The following KCNJ15 variants were observed in gnomAD, a reference collection of about 807,000 sequenced individuals.
The protein encoded by KCNJ15 is potassium inwardly rectifying channel subfamily J member 15, also known as ATP-sensitive inward rectifier potassium channel 15.
A neutral mutation model predicts 23.0 loss-of-function variants in KCNJ15; 14 were observed. The observed-to-expected ratio is 0.61, with a 90% CI of 0.40 to 0.95. The LOEUF (loss-of-function observed/expected upper bound fraction) is 0.95. KCNJ15 is among the 40% of genes least tolerant of loss of function. The pLI is 0.00. For synonymous variants in KCNJ15, 185 were observed against 183.2 expected, an observed-to-expected ratio of 1.01 and a Z score of -0.08; for missense variants, 388 against 461.8, an observed-to-expected ratio of 0.84 and a Z score of 1.46.
At chr21:38,236,314 C>T (rs148806007) in intron 1 of KCNJ15, among the ~76,000 whole-genome samples, 2 of 152,308 alleles carry the variant, frequency 1.3e-5, no homozygotes, top group African/African-American at 4.8e-5. Context: ...AAGCTTTGGA[C>T]AAATGAAATC....
intron 1 of KCNJ15, chr21:38,267,377 G>C (rs746634523): frequency 2.0e-5 from 3 of 152,202 alleles, no homozygotes; most frequent in Non-Finnish European, 2.9e-5. Context: ...ACTCTGAATA[G>C]GCAGTAGGGT....
intron 1 of KCNJ15, among the ~76,000 whole-genome samples, chr21:38,272,820 A>G (rs1307082485): frequency 6.6e-6 from 1 of 152,188 alleles, no homozygotes; most frequent in Non-Finnish European, 1.5e-5. Flanking sequence ...GCAAATAAAA[A>G]TATATTAACC....
chr21:38,302,275 A>G lies in KCNJ15; in HGVS notation c.*1886A>G, dbSNP rs1189763012. ...CAGGTTATCAGTGAAATGATGGTATAGATTACAGCAAATCTGGATATATAT... is the reference window on the plus strand; with the variant it reads ...CAGGTTATCAGTGAAATGATGGTATGGATTACAGCAAATCTGGATATATAT... On this transcript the variant is annotated 3_prime_UTR_variant, in exon 3 of 3. Transcript: ENST00000398938. The G allele has an allele frequency of 6.6e-6, 1 of 152,252 alleles. No homozygotes were observed. 9.4% of individuals were successfully genotyped at this position (152,252 alleles called of 1,614,324 possible).
chr21:38,257,741 A>G (rs567541247), intron 1 of KCNJ15, among the ~76,000 whole-genome samples: 43 of 152,372 alleles, frequency 2.8e-4, no homozygotes, highest in Middle Eastern at 3.4e-3. Flanking sequence ...AACTTTGTTC[A>G]TGACCCATGA....
rs1220839043 is a variant in KCNJ15, at chr21:38,284,155, C to T, written c.-116-12771C>T. 2.6e-5 allele frequency among the ~76,000 whole-genome samples: 4 copies of T among 152,222 alleles called. No individual in the cohort carries two copies. In the South Asian group the frequency reaches 8.3e-4, roughly 31 times the overall value. ...CCTCCAGTGCACACCTTCAAACCTGCACCCCAGAGGTGAGATCCTCCTTCT... is the reference window on the plus strand; with the variant it reads ...CCTCCAGTGCACACCTTCAAACCTGTACCCCAGAGGTGAGATCCTCCTTCT... On this transcript the variant is annotated intron_variant, in intron 1 of 2. Transcript: ENST00000398938.
intron 1 of KCNJ15, among the ~76,000 whole-genome samples, chr21:38,283,157 AATGATTTC>A (rs1419800459): frequency 1.3e-5 from 2 of 151,878 alleles, no homozygotes; most frequent in African/African-American, 4.9e-5. Flanking sequence ...TCTGAGAGTA[AATGATTTC>A]ATAATGTTTG....
chr21:38,306,507 AG>A lies in KCNJ15; in HGVS notation c.*6121del, dbSNP rs1569028294. 1 of 152,208 alleles carries A rather than the reference AG, an allele frequency of 6.6e-6. No homozygotes were observed. The highest frequency in any genetic ancestry group is 1.5e-5 in the Non-Finnish European group (1 of 68,020). 9.4% of individuals were successfully genotyped at this position (152,208 alleles called of 1,614,324 possible). A position where few individuals can be genotyped will look rare whatever the true frequency, so the allele number is the denominator to read the frequency against. ...AGAAGGTGATTGGAGGGAAGTTCAA[AG>A]GGAAGATTTTTTTCATTCACTGTAG... On this transcript the variant is annotated 3_prime_UTR_variant, in exon 3 of 3. Transcript: ENST00000398938.
intron 1 of KCNJ15, among the ~76,000 whole-genome samples, chr21:38,242,834 G>A (rs1979103584): frequency 6.6e-6 from 1 of 152,210 alleles, no homozygotes; most frequent in African/African-American, 2.4e-5. Context: ...TTAAGGGAAA[G>A]AGACAGTAAG....
rs1198737227 is a variant in KCNJ15 at position 38,301,683 on chromosome 21, A to C, written c.*1294A>C. 1 of 167,096 alleles carries C rather than the reference A, an allele frequency of 6.0e-6. No homozygotes were observed. Among genetic ancestry groups the C allele is most frequent in the African/African-American group, 2.4e-5 (1 of 41,456 alleles). 10.4% of individuals were successfully genotyped at this position (167,096 alleles called of 1,614,324 possible). A position where few individuals can be genotyped will look rare whatever the true frequency, so the allele number is the denominator to read the frequency against. On this transcript the variant is annotated 3_prime_UTR_variant, in exon 3 of 3. Coordinates refer to ENST00000398938, the MANE Select transcript of KCNJ15 (RefSeq NM_170736.3). ...TGCATGAACAAGATTTGAAAATCTC[A>C]AGCCTGTAAAGAATACCCCTGCTAT...
chr21:38,278,457 C>T (rs746645294), intron 1 of KCNJ15, among the ~76,000 whole-genome samples: 2 of 152,124 alleles, frequency 1.3e-5, no homozygotes, highest in East Asian at 1.9e-4. Context: ...CATGAGCTGC[C>T]GACACAGTAC....
chr21:38,300,074 C>T lies in KCNJ15; in HGVS notation c.813C>T (p.Asn271=). The stretch of plus-strand genomic sequence containing the variant: ...CCCTGAGAGACCTCACACCCCAAAA[C>T]CTAAAGGAGAAGGAGTTTGAGCTTG... ...TSPLRDLTPQ[N]LKEKEFELVV... Residue 271 remains asparagine (N), a synonymous_variant, in exon 3 of 3, where the codon AAC becomes AAT. Coordinates refer to ENST00000398938, the MANE Select transcript of KCNJ15 (RefSeq NM_170736.3). 1.9e-6 allele frequency: 3 copies of T among 1,614,112 alleles called. No homozygotes were observed. The highest frequency in any genetic ancestry group is 2.2e-5 in the East Asian group (1 of 44,876).
chr21:38,244,393 A>G (rs2836238), intron 1 of KCNJ15, among the ~76,000 whole-genome samples: 94,563 of 152,062 alleles, frequency 0.62, 32,163 homozygotes, highest in African/African-American at 0.89. Context: ...AGGGACCACG[A>G]CACATCCCAG....
intron 1 of KCNJ15, among the ~76,000 whole-genome samples, chr21:38,266,462 A>G (rs1291400192): frequency 6.6e-6 from 1 of 152,232 alleles, no homozygotes; most frequent in Non-Finnish European, 1.5e-5. Flanking sequence ...TGCAAAGGAC[A>G]TGAACTTATT....
At position 38,238,469 on chromosome 21, in the gene KCNJ15, A is replaced by G. The variant is rs552654413; in HGVS notation, c.-398-18577A>G. 1,150 of 660,420 alleles carry G rather than the reference A, an allele frequency of 1.7e-3. 7 individuals are homozygous for G. Among genetic ancestry groups the G allele is most frequent in the African/African-American group, 0.014 (801 of 55,596 alleles). 40.9% of individuals were successfully genotyped at this position (660,420 alleles called of 1,614,324 possible). A position where few individuals can be genotyped will look rare whatever the true frequency, so the allele number is the denominator to read the frequency against. On this transcript the variant is annotated intron_variant, in intron 1 of 4. Coordinates refer to the KCNJ15 transcript ENST00000547341. ...GTGTCCTTGGCCTGGCGGTCTCCAC[A>G]GATGGTGATCTGCCTGAGGGTCTGC...
chr21:38,298,634 A>G (rs1480073293), intron 2 of KCNJ15, among the ~76,000 whole-genome samples: 1 of 152,230 alleles, frequency 6.6e-6, no homozygotes, highest in Non-Finnish European at 1.5e-5. Flanking sequence ...TCATGCAAAA[A>G]ATAGGTTTTA....
chr21:38,275,054 T>C (rs946799759), intron 1 of KCNJ15, among the ~76,000 whole-genome samples: 3 of 152,134 alleles, frequency 2.0e-5, no homozygotes, highest in African/African-American at 7.2e-5. Flanking sequence ...TTCATCCAAA[T>C]CTTCCTTTCC....
At chr21:38,259,666 C>T (rs1366798078) in intron 1 of KCNJ15, among the ~76,000 whole-genome samples, 1 of 152,242 alleles carries the variant, frequency 6.6e-6, no homozygotes, top group Admixed American at 6.5e-5. Context: ...TCTACCTTCT[C>T]TCTCTTCTGT....
chr21:38,269,085 A>G (rs1227587254), intron 1 of KCNJ15: 1 of 152,230 alleles, frequency 6.6e-6, no homozygotes, highest in African/African-American at 2.4e-5. Flanking sequence ...GTTAAATGAC[A>G]TGATTTTTTG....
upstream of KCNJ15, among the ~76,000 whole-genome samples, chr21:38,252,524 A>G (rs1034153111): frequency 6.6e-6 from 1 of 152,212 alleles, no homozygotes; most frequent in Non-Finnish European, 1.5e-5. Flanking sequence ...AATTGACATG[A>G]TACCAATAAC....
Sources: gnomAD v4.1 joint callset for allele counts (sites outside exome capture counted in the v4.1 genomes callset) on GRCh38, gnomAD v4.1.1 for gene constraint, MANE v1.5 for transcripts, NCBI Gene and HGNC (gene_info 2026-07-23, HGNC 2026-07-21) for gene names.